The following STRBP variants were observed in gnomAD, a reference collection of about 807,000 sequenced individuals.
STRBP encodes the protein spermatid perinuclear RNA binding protein.
Under a neutral mutation model 80.1 loss-of-function variants are expected in STRBP, and 13 were observed. That is an observed-to-expected ratio of 0.16 (90% CI 0.11 to 0.26). The LOEUF (loss-of-function observed/expected upper bound fraction) is 0.26. Ranked by LOEUF, STRBP falls within the 10% of genes least tolerant of loss-of-function variation. The pLI is 1.00. For synonymous variants in STRBP, 284 were observed against 291.2 expected (o/e 0.98, Z 0.25); for missense variants, 485 against 815.2 (o/e 0.59, Z 4.93).
At chr9:123,158,253 A>T (rs2037373544) in intron 10 of STRBP, 79 bp downstream of exon 10, 1 of 1,548,952 alleles carries the variant, frequency 6.5e-7, no homozygotes, top group Non-Finnish European at 8.9e-7. Context: ...CACACAAGAA[A>T]AAAGTGTTTG....
intron 2 of STRBP, among the ~76,000 whole-genome samples, chr9:123,200,758 T>TTTTTTTTTTTTTC (rs2039293696): frequency 7.7e-6 from 1 of 129,730 alleles, no homozygotes; most frequent in Non-Finnish European, 1.6e-5. Flanking sequence ...TTTTTTTTTT[T>TTTTTTTTTTTTTC]TTTTAGTAGA....
intron 11 of STRBP, among the ~76,000 whole-genome samples, chr9:123,155,928 T>C (rs1200737938): frequency 6.6e-6 from 1 of 152,028 alleles, no homozygotes; most frequent in Non-Finnish European, 1.5e-5. Flanking sequence ...GATCATTGTA[T>C]AGCCAAAGCA....
intron 2 of STRBP, among the ~76,000 whole-genome samples, chr9:123,200,500 C>T (rs1310838375): frequency 6.6e-6 from 1 of 151,316 alleles, no homozygotes. Context: ...TACCAAGTCT[C>T]TGAATGTCTG....
chr9:123,253,413 T>C (rs749704159), intron 1 of STRBP, among the ~76,000 whole-genome samples: 3 of 152,250 alleles, frequency 2.0e-5, no homozygotes, highest in Non-Finnish European at 4.4e-5. Context: ...TTACACACTG[T>C]ACTGCTAAGA....
chr9:123,230,372 C>T (rs1179832613), intron 2 of STRBP, among the ~76,000 whole-genome samples: 2 of 152,164 alleles, frequency 1.3e-5, no homozygotes, highest in Non-Finnish European at 2.9e-5. Flanking sequence ...TTCCCCAACC[C>T]AAACACTGGC....
intron 2 of STRBP, among the ~76,000 whole-genome samples, chr9:123,192,718 G>A (rs748700349): frequency 6.6e-6 from 1 of 152,138 alleles, no homozygotes; most frequent in Non-Finnish European, 1.5e-5. Flanking sequence ...ATACCACTGT[G>A]TAAAGTTGTT....
chr9:123,171,785 C>T (rs1179923626), intron 5 of STRBP, among the ~76,000 whole-genome samples: 2 of 152,188 alleles, frequency 1.3e-5, no homozygotes, highest in Non-Finnish European at 2.9e-5. Flanking sequence ...TTCTGCCAGA[C>T]AGCATTTCGA....
At chr9:123,181,809 A>C (rs2038472952) in intron 3 of STRBP, among the ~76,000 whole-genome samples, 1 of 9,770 alleles carries the variant, frequency 1.0e-4, no homozygotes, top group Non-Finnish European at 3.9e-4. Flanking sequence ...TCAAAAAAAA[A>C]AAAAAAAAAA....
chr9:123,235,120 G>C (rs1275154829), intron 2 of STRBP, among the ~76,000 whole-genome samples: 2 of 151,488 alleles, frequency 1.3e-5, no homozygotes, highest in Non-Finnish European at 2.9e-5. Flanking sequence ...AAAATGACCT[G>C]AAAGTGTTTT....
At chr9:123,174,932 G>A (rs1296810306) in intron 4 of STRBP, among the ~76,000 whole-genome samples, 2 of 152,142 alleles carry the variant, frequency 1.3e-5, no homozygotes, top group African/African-American at 2.4e-5. Flanking sequence ...GTTTGGGTAT[G>A]GCAAACATAT....
chr9:123,234,045 A>AT (rs1377702643), intron 2 of STRBP, among the ~76,000 whole-genome samples: 1 of 151,830 alleles, frequency 6.6e-6, no homozygotes, highest in Non-Finnish European at 1.5e-5. Flanking sequence ...TTAAAAATAC[A>AT]AAAAAATTAG....
intron 11 of STRBP, 35 bp downstream of exon 11, chr9:123,157,977 A>G (rs917024053): frequency 1.3e-5 from 19 of 1,482,442 alleles, no homozygotes; most frequent in Non-Finnish European, 1.7e-5. Flanking sequence ...TACCAGTGCC[A>G]ACCCCCAACC....
intron 16 of STRBP, among the ~76,000 whole-genome samples, chr9:123,133,979 G>A (rs2036250570): frequency 6.6e-6 from 1 of 151,970 alleles, no homozygotes; most frequent in Non-Finnish European, 1.5e-5. Flanking sequence ...AACAGTAACC[G>A]AGAATTATAA....
At chr9:123,248,235 T>C (rs1284037533) in intron 1 of STRBP, among the ~76,000 whole-genome samples, 2 of 149,694 alleles carry the variant, frequency 1.3e-5, no homozygotes, top group Admixed American at 6.7e-5. Context: ...CAAATAGCAA[T>C]AACAGACTTC....
At chr9:123,168,409 T>C (rs1207460778) in intron 6 of STRBP, among the ~76,000 whole-genome samples, 2 of 152,248 alleles carry the variant, frequency 1.3e-5, no homozygotes, top group African/African-American at 4.8e-5. Flanking sequence ...GTGTCTGGTT[T>C]ATATCTGTTG....
At chr9:123,171,901 C>T (rs1002106359) in intron 5 of STRBP, among the ~76,000 whole-genome samples, 1 of 152,100 alleles carries the variant, frequency 6.6e-6, no homozygotes, top group South Asian at 2.1e-4. Flanking sequence ...CAGGGTAACC[C>T]CCTTGAATAC....
In STRBP at chr9:123,237,275, CCT is replaced by C. The variant is rs535961081; in HGVS notation, c.-301-311_-301-310del. 3.3e-5 allele frequency among the ~76,000 whole-genome samples: 5 copies of C among 152,144 alleles called. No homozygotes were observed. The South Asian group carries it at 6.2e-4, about 19-fold the overall frequency. On this transcript the variant is annotated intron_variant, in intron 1 of 18. Transcript: ENST00000348403. ...AAAATTGCTAACTACCAAAATCCAC[CCT>C]GTTTCTTCCAAATAACAGAGTTGTA... is the stretch of plus-strand genomic sequence containing the variant.
chr9:123,200,856 C>T (rs2039300514), intron 2 of STRBP, among the ~76,000 whole-genome samples: 1 of 147,224 alleles, frequency 6.8e-6, no homozygotes, highest in African/African-American at 2.5e-5. Flanking sequence ...GCTGGGATTA[C>T]AGGCATGAGC....
In STRBP at chr9:123,159,142, G is replaced by C; in HGVS notation, c.789C>G (p.Ala263=). 1 of 1,613,600 alleles carries C rather than the reference G, an allele frequency of 6.2e-7. No individual in the cohort carries two copies. The highest frequency in any genetic ancestry group is 8.5e-7 in the Non-Finnish European group (1 of 1,179,624). The part of the protein sequence containing the change: ...TCNRPLGAGE[A]LRRVMECLAS... Reference sequence around the variant, plus strand: ...CCAAACACTCCATTACTCGTCTCAAGGCCTCCCCAGCGCCCAAAGGTCTAT... The same window carrying C: ...CCAAACACTCCATTACTCGTCTCAACGCCTCCCCAGCGCCCAAAGGTCTAT... Residue 263 remains alanine, a synonymous_variant, in exon 9 of 19, where the codon GCC becomes GCG. Coordinates refer to ENST00000348403, the MANE Select transcript of STRBP (RefSeq NM_018387.5).
Sources: allele counts gnomAD v4.1 joint callset (sites outside exome capture counted in the v4.1 genomes callset), GRCh38; gene constraint gnomAD v4.1.1; transcripts MANE v1.5; gene names NCBI Gene and HGNC (gene_info 2026-07-23, HGNC 2026-07-21).